MAGI1: variants seen among roughly 807,000 people sequenced by gnomAD.
The protein encoded by MAGI1 is membrane associated guanylate kinase, WW and PDZ domain containing 1.
In MAGI1, 58 loss-of-function variants were observed where a neutral mutation model predicts 139.9. The observed-to-expected ratio is 0.41, with a 90% CI of 0.34 to 0.52. MAGI1 has a LOEUF of 0.52. MAGI1 is among the 20% of genes least tolerant of loss of function. MAGI1 has a pLI of 0.12. For synonymous variants in MAGI1, 812 were observed against 737.9 expected (o/e 1.10, Z -1.63); for missense variants, 1,874 against 1,901.6 (o/e 0.99, Z 0.27).
intron 2 of MAGI1, among the ~76,000 whole-genome samples, chr3:65,618,838 G>C: frequency 6.6e-6 from 1 of 152,168 alleles, no homozygotes; most frequent in South Asian, 2.1e-4. Flanking sequence ...GATTCAGAGA[G>C]GTTATGTGAC....
chr3:65,518,958 G>A (rs1199597467), intron 2 of MAGI1, among the ~76,000 whole-genome samples: 6 of 152,206 alleles, frequency 3.9e-5, no homozygotes, highest in South Asian at 2.1e-4. Context: ...TTTACATGAT[G>A]AGGGAATTCC....
chr3:65,457,686 C>T (rs905389805), intron 5 of MAGI1, among the ~76,000 whole-genome samples: 4 of 151,946 alleles, frequency 2.6e-5, no homozygotes, highest in African/African-American at 9.7e-5. Flanking sequence ...ATGGTAGGTG[C>T]ACATATTTAT....
chr3:66,023,665 A>G (rs1418856664), intron 1 of MAGI1, among the ~76,000 whole-genome samples: 1 of 152,254 alleles, frequency 6.6e-6, no homozygotes, highest in African/African-American at 2.4e-5. Flanking sequence ...ATTTATCTAT[A>G]GAAAAGTCCA....
At chr3:65,553,617 A>G (rs1206639410) in intron 2 of MAGI1, among the ~76,000 whole-genome samples, 2 of 152,208 alleles carry the variant, frequency 1.3e-5, no homozygotes, top group Non-Finnish European at 2.9e-5. Flanking sequence ...AGCCCTAATA[A>G]CAGCGGTGCA....
chr3:65,608,217 G>A (rs532721370), intron 2 of MAGI1, among the ~76,000 whole-genome samples: 17 of 152,240 alleles, frequency 1.1e-4, no homozygotes, highest in African/African-American at 3.1e-4. Flanking sequence ...TGAGACAGGC[G>A]GATCACCTGA....
At chr3:65,783,791 C>T (rs1177709911) in intron 1 of MAGI1, among the ~76,000 whole-genome samples, 1 of 138,098 alleles carries the variant, frequency 7.2e-6, no homozygotes, top group African/African-American at 2.7e-5. Context: ...AGCCACCACA[C>T]CCAGCCTGTA....
intron 2 of MAGI1, among the ~76,000 whole-genome samples, chr3:65,561,154 A>G (rs1163804388): frequency 1.3e-5 from 2 of 152,204 alleles, no homozygotes; most frequent in African/African-American, 2.4e-5. Flanking sequence ...TAGATCTTCA[A>G]ACACTGCTAG....
chr3:65,741,331 C>T (rs913582773), intron 1 of MAGI1, among the ~76,000 whole-genome samples: 2 of 152,050 alleles, frequency 1.3e-5, no homozygotes, highest in East Asian at 1.9e-4. Context: ...CCCGCCACCA[C>T]GCTTGGCTAA....
chr3:65,816,197 G>A (rs1428567879), intron 1 of MAGI1, among the ~76,000 whole-genome samples: 1 of 151,788 alleles, frequency 6.6e-6, no homozygotes, highest in Non-Finnish European at 1.5e-5. Flanking sequence ...TCACCATCTA[G>A]AAGGATTTGG....
chr3:65,360,238 TC>T, intron 22 of MAGI1: 2 of 985,042 alleles, frequency 2.0e-6, no homozygotes, highest in Non-Finnish European at 2.4e-6. Context: ...AATAGATAAA[TC>T]CCTAATAAAG....
intron 1 of MAGI1, among the ~76,000 whole-genome samples, chr3:65,744,677 A>C (rs2107795447): frequency 6.6e-6 from 1 of 151,482 alleles, no homozygotes; most frequent in African/African-American, 2.4e-5. Context: ...AAAGACTGTC[A>C]GGAAATGTTT....
At chr3:65,501,516 C>T (rs1359431856) in intron 2 of MAGI1, among the ~76,000 whole-genome samples, 2 of 148,344 alleles carry the variant, frequency 1.3e-5, no homozygotes, top group African/African-American at 5.0e-5. Context: ...TTAGCCACCA[C>T]AAACCTATTA....
chr3:65,510,293 A>T (rs983815696), intron 2 of MAGI1, among the ~76,000 whole-genome samples: 1 of 152,232 alleles, frequency 6.6e-6, no homozygotes. Flanking sequence ...AACGGAACAA[A>T]GCTGGATGGA....
chr3:65,664,568 T>C (rs182960496), intron 1 of MAGI1, among the ~76,000 whole-genome samples: 7 of 152,352 alleles, frequency 4.6e-5, no homozygotes, highest in African/African-American at 1.7e-4. Context: ...TTCCAGTTTC[T>C]GTGGAGAAAA....
At chr3:65,399,866 C>A (rs1456907339) in intron 13 of MAGI1, among the ~76,000 whole-genome samples, 1 of 152,118 alleles carries the variant, frequency 6.6e-6, no homozygotes, top group Non-Finnish European at 1.5e-5. Flanking sequence ...AAATGGAATG[C>A]AAAATGGAAA....
intron 1 of MAGI1, among the ~76,000 whole-genome samples, chr3:65,627,442 C>T (rs536501538): frequency 3.2e-5 from 4 of 126,492 alleles, no homozygotes; most frequent in Non-Finnish European, 4.9e-5. Flanking sequence ...GAAAATGGGG[C>T]TTAGATGCTC....
intron 2 of MAGI1, among the ~76,000 whole-genome samples, chr3:65,600,676 C>T (rs2082440362): frequency 6.6e-6 from 1 of 152,154 alleles, no homozygotes; most frequent in African/African-American, 2.4e-5. Context: ...GGCTGCAGTG[C>T]CTTGAGAGCA....
intron 2 of MAGI1, among the ~76,000 whole-genome samples, chr3:65,575,029 C>A (rs2081120380): frequency 6.6e-6 from 1 of 152,036 alleles, no homozygotes; most frequent in African/African-American, 2.4e-5. Context: ...CACACCAAAA[C>A]CACAATCTAT....
At chr3:65,979,631 T>A (rs2065462149) in intron 1 of MAGI1, among the ~76,000 whole-genome samples, 1 of 152,176 alleles carries the variant, frequency 6.6e-6, no homozygotes, top group Admixed American at 6.5e-5. Context: ...CCTCATTTTG[T>A]TTTCAGAATG....
Sources: gnomAD v4.1 joint callset for allele counts (sites outside exome capture counted in the v4.1 genomes callset) on GRCh38, gnomAD v4.1.1 for gene constraint, MANE v1.5 for transcripts, NCBI Gene and HGNC (gene_info 2026-07-23, HGNC 2026-07-21) for gene names.